The following PRKN variants were observed in gnomAD, a reference collection of about 807,000 sequenced individuals.
PRKN encodes the protein E3 ubiquitin-protein ligase parkin.
PRKN carries 56 observed loss-of-function variants against 59.5 expected under a neutral mutation model. The observed-to-expected ratio is 0.94, with a 90% CI of 0.76 to 1.18. PRKN has a LOEUF of 1.18. Ranked by LOEUF, PRKN falls within the 50% of genes most tolerant of loss-of-function variation. The pLI is 0.00. For missense variants in PRKN, 657 were observed against 596.4 expected (o/e 1.10, Z -1.06); for synonymous variants, 250 against 222.1 (o/e 1.13, Z -1.12).
In PRKN at chr6:161,503,003, T is replaced by C. The variant is rs1778020717; in HGVS notation, c.1083+45851A>G. The stretch of plus-strand genomic sequence containing the variant: ...ATTGAGTTAGATGATACATATCCAA[T>C]GTTAAGCACCATGTCTGATAGAAAC... On this transcript the variant is annotated intron_variant, in intron 9 of 11. Transcript: ENST00000366898. The surrounding 1 kb of genome is among the most constrained non-coding windows in gnomAD (Gnocchi z 5.1). Among the ~76,000 whole-genome samples the C allele has an allele frequency of 2.0e-5, 3 of 152,228 alleles. No individual in the cohort carries two copies. The highest frequency in any genetic ancestry group is 2.1e-4 in the South Asian group (1 of 4,826).
chr6:162,543,706 T>C (rs1245430075), intron 1 of PRKN, among the ~76,000 whole-genome samples: 2 of 152,150 alleles, frequency 1.3e-5, no homozygotes, highest in Non-Finnish European at 2.9e-5. Flanking sequence ...ATACCTGTAC[T>C]TCATACCGCT....
chr6:162,627,346 C>G (rs1782936147), intron 1 of PRKN, among the ~76,000 whole-genome samples: 1 of 152,084 alleles, frequency 6.6e-6, no homozygotes, highest in African/African-American at 2.4e-5. Flanking sequence ...AGAGGTTATT[C>G]AAAAATATTT....
chr6:161,873,470 T>C (rs545294235), intron 6 of PRKN, among the ~76,000 whole-genome samples: 4 of 151,286 alleles, frequency 2.6e-5, no homozygotes, highest in Admixed American at 1.3e-4. Context: ...CTAAATACAA[T>C]GCGTATCGGA....
intron 1 of PRKN, among the ~76,000 whole-genome samples, chr6:162,482,687 T>C (rs1469018233): frequency 6.6e-6 from 1 of 152,046 alleles, no homozygotes; most frequent in East Asian, 1.9e-4. Context: ...CTATGTAAAA[T>C]GGATAAATGA....
At chr6:162,106,341 A>G (rs961845765) in intron 4 of PRKN, among the ~76,000 whole-genome samples, 5 of 152,134 alleles carry the variant, frequency 3.3e-5, no homozygotes, top group Admixed American at 6.5e-5. Context: ...TAAGTGGAGA[A>G]ACACGTACAA....
intron 2 of PRKN, among the ~76,000 whole-genome samples, chr6:162,381,144 T>C (rs1342624473): frequency 6.6e-6 from 1 of 152,134 alleles, no homozygotes; most frequent in Non-Finnish European, 1.5e-5. Context: ...CTAGCCTGAG[T>C]CATTCCACTC....
chr6:161,690,946 G>A (rs1477163156), intron 7 of PRKN, among the ~76,000 whole-genome samples: 5 of 148,798 alleles, frequency 3.4e-5, no homozygotes, highest in Admixed American at 6.9e-5. Context: ...TCTGTGTATC[G>A]ATCGATTGAA....
chr6:162,693,276 T>A (rs1193819577), intron 1 of PRKN, among the ~76,000 whole-genome samples: 1 of 152,184 alleles, frequency 6.6e-6, no homozygotes, highest in Non-Finnish European at 1.5e-5. Context: ...TCTTGTCCCA[T>A]CTATCACCTC....
At chr6:162,076,285 A>T (rs1778824356) in intron 4 of PRKN, among the ~76,000 whole-genome samples, 1 of 152,110 alleles carries the variant, frequency 6.6e-6, no homozygotes, top group African/African-American at 2.4e-5. Context: ...AGGCCTTCTT[A>T]ATCCAAAAAA....
At position 161,360,251 on chromosome 6, in the gene PRKN, C is replaced by T; in HGVS notation, c.1168-46G>A. On this transcript the variant is annotated intron_variant, in intron 10 of 11. Coordinates refer to ENST00000366898, the MANE Select transcript of PRKN (RefSeq NM_004562.3). The surrounding 1 kb of genome is among the most constrained non-coding windows in gnomAD (Gnocchi z 5.1). ...GGCGTTTAATCTCAGCTTTCTATTACTGGGATCAGAGTTTATGTTCCCTGT... is the reference window on the plus strand; with the variant it reads ...GGCGTTTAATCTCAGCTTTCTATTATTGGGATCAGAGTTTATGTTCCCTGT... The T allele has an allele frequency of 1.4e-6, 2 of 1,427,034 alleles. No individual in the cohort carries two copies. The highest frequency in any genetic ancestry group is 2.3e-5 in the South Asian group (2 of 87,524). The allele number at this position is 1,427,034 out of a possible 1,614,324, so 88.4% of individuals were successfully genotyped here. A position where few individuals can be genotyped will look rare whatever the true frequency, so the allele number is the denominator to read the frequency against.
chr6:161,573,757 TATATATATATATATATATATA>T (rs1301747130), intron 7 of PRKN, among the ~76,000 whole-genome samples: 13 of 44,916 alleles, frequency 2.9e-4, no homozygotes, highest in African/African-American at 6.1e-4. Context: ...AAAAAAAAAA[TATATATATATATATATATATA>T]TATATATATA....
At chr6:161,977,177 C>CA (rs1781063947) in intron 5 of PRKN, among the ~76,000 whole-genome samples, 1 of 152,160 alleles carries the variant, frequency 6.6e-6, no homozygotes, top group Non-Finnish European at 1.5e-5. Flanking sequence ...TGCAAGTTAG[C>CA]AAGTTAGTTT....
intron 6 of PRKN, among the ~76,000 whole-genome samples, chr6:161,970,754 T>C (rs531811484): frequency 2.0e-5 from 3 of 152,110 alleles, no homozygotes; most frequent in Non-Finnish European, 4.4e-5. Context: ...GCCAGGCTGG[T>C]CTCGAACTTC....
At chr6:162,439,841 C>T (rs1789968404) in intron 2 of PRKN, among the ~76,000 whole-genome samples, 1 of 152,076 alleles carries the variant, frequency 6.6e-6, no homozygotes, top group African/African-American at 2.4e-5. Flanking sequence ...GTACATATTA[C>T]ATATGAAAAA....
intron 1 of PRKN, among the ~76,000 whole-genome samples, chr6:162,466,187 G>A (rs1791405069): frequency 6.6e-6 from 1 of 152,118 alleles, no homozygotes; most frequent in Admixed American, 6.5e-5. Flanking sequence ...GTATTGAGGA[G>A]GCAATAGCTG....
At chr6:161,744,579 T>G (rs994239654) in intron 7 of PRKN, among the ~76,000 whole-genome samples, 1 of 152,174 alleles carries the variant, frequency 6.6e-6, no homozygotes, top group Admixed American at 6.5e-5. Context: ...ACATTAACAT[T>G]CCTAATAATA....
intron 7 of PRKN, among the ~76,000 whole-genome samples, chr6:161,731,328 T>C (rs995512479): frequency 1.3e-5 from 2 of 152,260 alleles, no homozygotes; most frequent in Non-Finnish European, 2.9e-5. Flanking sequence ...AACTATTGCC[T>C]AGGCCCATCT....
In PRKN at chr6:162,626,524, T is replaced by G. The variant is rs543574166; in HGVS notation, c.7+101138A>C. ...AATATTTAAAAAAACTATCTGGATATGGTGGCTCAGGCCGGGTATGGTGGC... is the reference window on the plus strand; with the variant it reads ...AATATTTAAAAAAACTATCTGGATAGGGTGGCTCAGGCCGGGTATGGTGGC... On this transcript the variant is annotated intron_variant, in intron 1 of 11. Coordinates refer to ENST00000366898, the MANE Select transcript of PRKN (RefSeq NM_004562.3). 8.5e-5 allele frequency among the ~76,000 whole-genome samples: 13 copies of G among 152,206 alleles called. No homozygotes were observed. In the South Asian group the frequency reaches 1.7e-3, roughly 19 times the overall value.
At chr6:161,601,368 G>T (rs1022468408) in intron 7 of PRKN, among the ~76,000 whole-genome samples, 4 of 152,070 alleles carry the variant, frequency 2.6e-5, no homozygotes, top group African/African-American at 9.7e-5. Flanking sequence ...AAGCTCCTTT[G>T]GGTCTATTAG....
Sources: gnomAD v4.1 joint callset for allele counts (sites outside exome capture counted in the v4.1 genomes callset) on GRCh38, gnomAD v4.1.1 for gene constraint, Gnocchi (gnomAD v3.1) non-coding constraint, MANE v1.5 for transcripts, NCBI Gene and HGNC (gene_info 2026-07-23, HGNC 2026-07-21) for gene names.